SYCE2: variants seen among roughly 807,000 people sequenced by gnomAD.
The protein encoded by SYCE2 is central element synaptonemal complex 1.
A neutral mutation model predicts 27.9 loss-of-function variants in SYCE2; 3 were observed. That is an observed-to-expected ratio of 0.11 (90% CI 0.05 to 0.28). The LOEUF (loss-of-function observed/expected upper bound fraction) is 0.28, where lower values mean the gene tolerates loss of function less well. SYCE2 is among the 10% of genes least tolerant of loss of function. The pLI, the probability that SYCE2 is intolerant of heterozygous loss-of-function variation, is 1.00. For synonymous variants in SYCE2, 85 were observed against 100.7 expected (o/e 0.84, Z 0.93); for missense variants, 207 against 263.5 (o/e 0.79, Z 1.48).
intron 2 of SYCE2, among the ~76,000 whole-genome samples, chr19:12,909,865 CTTT>C (rs1370380410): frequency 6.6e-6 from 1 of 151,086 alleles, no homozygotes; most frequent in Non-Finnish European, 1.5e-5. Context: ...TGTGCCCAGC[CTTT>C]TTATTTATTT....
chr19:12,908,996 C>T (rs1385964396), intron 2 of SYCE2, among the ~76,000 whole-genome samples: 2 of 152,186 alleles, frequency 1.3e-5, no homozygotes, highest in African/African-American at 4.8e-5. Flanking sequence ...CATTCATTCC[C>T]GTAGCATGGG....
chr19:12,915,427 C>T (rs1201142707), intron 2 of SYCE2, among the ~76,000 whole-genome samples: 1 of 135,398 alleles, frequency 7.4e-6, no homozygotes, highest in African/African-American at 2.9e-5. Flanking sequence ...GGTGAAACCC[C>T]GTCTCTACCA....
chr19:12,904,818 T>A, intron 2 of SYCE2, 152 bp from the exon 3 acceptor site: 1 of 813,200 alleles, frequency 1.2e-6, no homozygotes, highest in Non-Finnish European at 1.9e-6. Flanking sequence ...GGCAACATGG[T>A]GAAACCTCGT....
At chr19:12,903,632 G>A (rs1196913456) in intron 3 of SYCE2, among the ~76,000 whole-genome samples, 1 of 151,984 alleles carries the variant, frequency 6.6e-6, no homozygotes, top group Admixed American at 6.6e-5. Flanking sequence ...TGATCCCCCT[G>A]CCTCAGCCTC....
rs150310614 is a variant in SYCE2, at chr19:12,912,423, T to C, written c.131+5799A>G. On this transcript the variant is annotated intron_variant, in intron 2 of 5. Coordinates refer to ENST00000293695, the MANE Select transcript of SYCE2 (RefSeq NM_001105578.2). ...CTTGCTGGTCACAAAGCTGCCAAAG[T>C]TTATGAACATCAGTCCCCTCCAGCG... Among the ~76,000 whole-genome samples the C allele has an allele frequency of 3.1e-4, 46 of 148,506 alleles. 1 individual carries two copies. Among genetic ancestry groups the C allele is most frequent in the African/African-American group, 1.1e-3 (43 of 37,964 alleles).
rs1012439939 is a variant in SYCE2, at chr19:12,918,863, A to G, written c.15+380T>C. 6.6e-5 allele frequency among the ~76,000 whole-genome samples: 10 copies of G among 151,714 alleles called. No homozygotes were observed. In the South Asian group the frequency reaches 2.1e-3, roughly 31 times the overall value. ...CTACTCGGGAGGCTGAGGAAGGAGA[A>G]TCACTTGAACCCGGGAGGCAGAGGT... is the stretch of plus-strand genomic sequence containing the variant. On this transcript the variant is annotated intron_variant, in intron 1 of 5. Transcript: ENST00000293695.
intron 3 of SYCE2, among the ~76,000 whole-genome samples, chr19:12,900,961 C>T (rs1452146223): frequency 2.0e-5 from 3 of 152,054 alleles, no homozygotes; most frequent in Non-Finnish European, 2.9e-5. Context: ...GGGCGGATCA[C>T]GAGGTCAGGA....
chr19:12,902,040 C>A (rs753198015), intron 3 of SYCE2, among the ~76,000 whole-genome samples: 1 of 152,054 alleles, frequency 6.6e-6, no homozygotes, highest in South Asian at 2.1e-4. Context: ...TTTACTGTAC[C>A]TTTTCTATGT....
In SYCE2 at chr19:12,909,540, A is replaced by G. The variant is rs185449121; in HGVS notation, c.132-4874T>C. On this transcript the variant is annotated intron_variant, in intron 2 of 5. Coordinates refer to ENST00000293695, the MANE Select transcript of SYCE2 (RefSeq NM_001105578.2). ...CCTGTCTCAAAATCCCCTCATTTCT[A>G]CCTTCTTTGTTTTTTTATTTTTATT... 9.6e-4 allele frequency among the ~76,000 whole-genome samples: 146 copies of G among 151,644 alleles called. 1 individual carries two copies. The highest frequency in any genetic ancestry group is 9.0e-4 in the Non-Finnish European group (61 of 67,898).
At chr19:12,904,009 C>T (rs1568434167) in intron 3 of SYCE2, among the ~76,000 whole-genome samples, 1 of 152,156 alleles carries the variant, frequency 6.6e-6, no homozygotes, top group Non-Finnish European at 1.5e-5. Flanking sequence ...AAGCTCCACT[C>T]CCCCGTCACA....
chr19:12,900,265 G>C, intron 4 of SYCE2, 145 bp from the exon 5 acceptor site: 1 of 1,148,224 alleles, frequency 8.7e-7, no homozygotes, highest in East Asian at 2.5e-5. Context: ...ACATGACAAC[G>C]GTTTGGCTTC....
At chr19:12,915,329 G>A (rs57116391) in intron 2 of SYCE2, among the ~76,000 whole-genome samples, 5,037 of 152,072 alleles carry the variant, frequency 0.033, 282 homozygotes, top group African/African-American at 0.11. Flanking sequence ...AGCCGGGCGC[G>A]GTGGCTCACG....
chr19:12,902,850 C>CAAG, intron 3 of SYCE2, among the ~76,000 whole-genome samples: 1 of 151,778 alleles, frequency 6.6e-6, no homozygotes, highest in Non-Finnish European at 1.5e-5. Flanking sequence ...AATCTGTCAT[C>CAAG]AAGACACCTA....
chr19:12,918,619 T>C (rs1258416512), intron 1 of SYCE2, among the ~76,000 whole-genome samples: 2 of 151,892 alleles, frequency 1.3e-5, no homozygotes, highest in African/African-American at 4.8e-5. Context: ...AACTGGTATG[T>C]GTGTTGGCTG....
At chr19:12,907,418 C>A (rs1389189423) in intron 2 of SYCE2, among the ~76,000 whole-genome samples, 2 of 152,218 alleles carry the variant, frequency 1.3e-5, no homozygotes, top group African/African-American at 4.8e-5. Context: ...AAAGGCCAAG[C>A]CTTGTAGGTG....
intron 3 of SYCE2, among the ~76,000 whole-genome samples, chr19:12,901,088 G>A (rs1599626423): frequency 6.6e-6 from 1 of 152,050 alleles, no homozygotes; most frequent in Non-Finnish European, 1.5e-5. Flanking sequence ...AGAATGGCGT[G>A]AACCCGGGCG....
At chr19:12,913,751 G>A (rs1971086806) in intron 2 of SYCE2, among the ~76,000 whole-genome samples, 1 of 152,170 alleles carries the variant, frequency 6.6e-6, no homozygotes, top group Admixed American at 6.6e-5. Context: ...GCAGCGGTCT[G>A]TGTCTCTTCA....
In SYCE2 at chr19:12,904,622, T is replaced by A. The variant is rs1970899902; in HGVS notation, c.176A>T (p.Tyr59Phe). The change falls in exon 3 of 6, where the codon TAC becomes TTC. Residue 59 changes from tyrosine to phenylalanine, a missense_variant. Coordinates refer to ENST00000293695, the MANE Select transcript of SYCE2 (RefSeq NM_001105578.2). Reference protein sequence around the residue: ...LTVLEGKSGLYFSSLDSSIDI... With the variant: ...LTVLEGKSGLFFSSLDSSIDI... ...AATGCTTGAGTCCAGAGAGGAGAAG[T>A]AGAGTCCCGACTTCCCTTCCAGGAC... The A allele has an allele frequency of 6.2e-7, 1 of 1,613,886 alleles. No homozygotes were observed. Among genetic ancestry groups the A allele is most frequent in the Admixed American group, 1.7e-5 (1 of 59,958 alleles).
chr19:12,905,424 C>T (rs1007588947), intron 2 of SYCE2, among the ~76,000 whole-genome samples: 5 of 149,886 alleles, frequency 3.3e-5, no homozygotes, highest in East Asian at 2.0e-4. Context: ...CTCCACCTCC[C>T]GGGTTCATGC....
Sources: allele counts gnomAD v4.1 joint callset (sites outside exome capture counted in the v4.1 genomes callset), GRCh38; gene constraint gnomAD v4.1.1; transcripts MANE v1.5; gene names NCBI Gene and HGNC (gene_info 2026-07-23, HGNC 2026-07-21).